Variants in CRYL1 observed in about 807,000 individuals in gnomAD.
CRYL1 encodes lambda-crystallin homolog.
In CRYL1, 29 loss-of-function variants were observed where a neutral mutation model predicts 36.6. The ratio of observed to expected loss-of-function variants is 0.79; its 90% CI spans 0.59 to 1.08. CRYL1 has a LOEUF of 1.08. Among genes scored for constraint, CRYL1 ranks in the 50% least tolerant of loss-of-function variants. CRYL1 has a pLI of 0.00. For synonymous variants in CRYL1, 152 were observed against 151.5 expected, an observed-to-expected ratio of 1.00 and a Z score of -0.02; for missense variants, 411 against 407.9, an observed-to-expected ratio of 1.01 and a Z score of -0.06.
intron 2 of CRYL1, among the ~76,000 whole-genome samples, chr13:20,509,195 CAA>C (rs1221695401): frequency 1.3e-4 from 13 of 103,250 alleles, no homozygotes; most frequent in Middle Eastern, 5.2e-3. Context: ...ACTCAATCCC[CAA>C]AAAAAAAAAA....
chr13:20,469,054 C>A lies in CRYL1; in HGVS notation c.276+20316G>T, dbSNP rs150426506. 5.2e-3 allele frequency among the ~76,000 whole-genome samples: 788 copies of A among 152,302 alleles called. 11 individuals carry two copies. Among genetic ancestry groups the A allele is most frequent in the African/African-American group, 0.018 (741 of 41,552 alleles). ...GACGGCATCCCTGTTACAACTCCAT[C>A]CACCGTCAGCAGTTTCTCAGGAAGT... On this transcript the variant is annotated intron_variant, in intron 3 of 7. Coordinates refer to ENST00000298248, the MANE Select transcript of CRYL1 (RefSeq NM_015974.3).
Position 20,460,680 on chromosome 13 carries a change from TA to T in CRYL1, c.277-20927del, listed in dbSNP as rs2032796441. Among the ~76,000 whole-genome samples, 23 of 151,680 alleles carry T rather than the reference TA, an allele frequency of 1.5e-4. No homozygotes were observed. The South Asian group carries it at 4.8e-3, about 32-fold the overall frequency. Reference sequence around the variant, plus strand: ...AGCCGGGACTACAGGCGCCCGCCACTACGCCCGGCTAATTTTTTGTATTTTT... The same window carrying T: ...AGCCGGGACTACAGGCGCCCGCCACTCGCCCGGCTAATTTTTTGTATTTTT... On this transcript the variant is annotated intron_variant, in intron 3 of 7. Transcript: ENST00000298248.
chr13:20,508,866 A>AAAAC (rs1565988283), intron 2 of CRYL1, among the ~76,000 whole-genome samples: 1 of 32,268 alleles, frequency 3.1e-5, no homozygotes, highest in African/African-American at 1.0e-4. Context: ...AAAAAAAAAA[A>AAAAC]AAAAAAAAAC....
At chr13:20,523,972 A>C (rs2034141402) in intron 1 of CRYL1, among the ~76,000 whole-genome samples, 1 of 152,222 alleles carries the variant, frequency 6.6e-6, no homozygotes, top group Non-Finnish European at 1.5e-5. Context: ...TGATGGACCT[A>C]TACAAGGCCA....
chr13:20,512,673 C>T, intron 1 of CRYL1, 123 bp from the exon 2 acceptor site: 2 of 638,102 alleles, frequency 3.1e-6, no homozygotes, highest in South Asian at 4.2e-5. Flanking sequence ...CAATACATAT[C>T]TTAAAAGTAC....
At chr13:20,510,953 T>G (rs1286757379) in intron 2 of CRYL1, among the ~76,000 whole-genome samples, 1 of 152,188 alleles carries the variant, frequency 6.6e-6, no homozygotes, top group African/African-American at 2.4e-5. Flanking sequence ...GTATCCCTAG[T>G]GAACAGAACA....
At chr13:20,428,294 T>A (rs1021827487) in intron 5 of CRYL1, among the ~76,000 whole-genome samples, 1 of 152,178 alleles carries the variant, frequency 6.6e-6, no homozygotes, top group African/African-American at 2.4e-5. Context: ...AGATCTCAGA[T>A]TTTCGGATTA....
chr13:20,464,670 C>T (rs1238997796), intron 3 of CRYL1, among the ~76,000 whole-genome samples: 1 of 152,164 alleles, frequency 6.6e-6, no homozygotes, highest in Non-Finnish European at 1.5e-5. Context: ...TATCCTTCTT[C>T]ATTTGTAGCA....
chr13:20,487,631 C>T (rs17052338), intron 3 of CRYL1, among the ~76,000 whole-genome samples: 4,158 of 152,100 alleles, frequency 0.027, 181 homozygotes, highest in Admixed American at 0.12. Context: ...ACTAAACTCA[C>T]GGCTGGGAAC....
At chr13:20,428,803 C>G (rs114808975) in intron 5 of CRYL1, among the ~76,000 whole-genome samples, 1,590 of 152,294 alleles carry the variant, frequency 0.01, 26 homozygotes, top group African/African-American at 0.035. Context: ...CCTCCCTGAC[C>G]TGCTGACCCA....
chr13:20,488,492 G>A (rs2033444092), intron 3 of CRYL1, among the ~76,000 whole-genome samples: 1 of 152,146 alleles, frequency 6.6e-6, no homozygotes, highest in Non-Finnish European at 1.5e-5. Flanking sequence ...GAGTCATAGA[G>A]ACCTAAAATC....
intron 3 of CRYL1, among the ~76,000 whole-genome samples, chr13:20,454,408 C>T (rs1436138526): frequency 1.4e-5 from 2 of 141,982 alleles, no homozygotes; most frequent in Non-Finnish European, 3.0e-5. Flanking sequence ...ATTCAACCCC[C>T]ATTCGTGTTT....
Position 20,490,990 on chromosome 13 carries a change from C to T in CRYL1, c.150-1494G>A, listed in dbSNP as rs530311579. On this transcript the variant is annotated intron_variant, in intron 2 of 7. Transcript: ENST00000298248. Reference sequence around the variant, plus strand: ...GCACAATCATGACTCGCCATAGCCTCGACCTCCCAGGATCAAGTGATCTCC... The same window carrying T: ...GCACAATCATGACTCGCCATAGCCTTGACCTCCCAGGATCAAGTGATCTCC... Among the ~76,000 whole-genome samples the T allele has an allele frequency of 3.0e-4, 45 of 152,300 alleles. 1 individual carries two copies. The highest frequency in any genetic ancestry group is 2.7e-3 in the South Asian group (13 of 4,828).
chr13:20,495,475 C>G (rs2033588929), intron 2 of CRYL1, among the ~76,000 whole-genome samples: 1 of 151,938 alleles, frequency 6.6e-6, no homozygotes, highest in Non-Finnish European at 1.5e-5. Context: ...GAAATGTACT[C>G]AAAAGGAGCA....
In CRYL1 at chr13:20,430,368, C is replaced by T. The variant is rs534909454; in HGVS notation, c.633+1734G>A. The T allele has an allele frequency of 8.1e-6, 8 of 985,400 alleles. No individual in the cohort carries two copies. In the African/African-American group the frequency reaches 1.0e-4, roughly 13 times the overall value. 61.0% of individuals were successfully genotyped at this position (985,400 alleles called of 1,614,324 possible). A position where few individuals can be genotyped will look rare whatever the true frequency, so the allele number is the denominator to read the frequency against. On this transcript the variant is annotated intron_variant, in intron 5 of 7. Coordinates refer to ENST00000298248, the MANE Select transcript of CRYL1 (RefSeq NM_015974.3). ...CATCTGAGTCCCACAGCAGCCAACA[C>T]AGAGACATATGCAGGCTTCACTTTC...
At chr13:20,477,741 T>A (rs1384765654) in intron 3 of CRYL1, among the ~76,000 whole-genome samples, 1 of 146,404 alleles carries the variant, frequency 6.8e-6, no homozygotes, top group Admixed American at 6.9e-5. Context: ...TTATATTATA[T>A]ATTATTTTGT....
At chr13:20,512,590 A>C (rs1565990022) in intron 1 of CRYL1, 40 bp from the exon 2 acceptor site, 1 of 1,460,524 alleles carries the variant, frequency 6.8e-7, no homozygotes, top group Admixed American at 1.8e-5. Flanking sequence ...TTAATTTAAT[A>C]ATCGAATGGC....
At chr13:20,471,488 C>T (rs549942282) in intron 3 of CRYL1, among the ~76,000 whole-genome samples, 2 of 151,910 alleles carry the variant, frequency 1.3e-5, no homozygotes, top group Admixed American at 6.6e-5. Context: ...GCCTGTAGTC[C>T]CAGCTACTCG....
chr13:20,506,817 C>A (rs1205755140), intron 2 of CRYL1, among the ~76,000 whole-genome samples: 3 of 152,196 alleles, frequency 2.0e-5, no homozygotes, highest in Admixed American at 2.0e-4. Context: ...AAATCTGGCC[C>A]ATCTCCTATT....
Sources: gnomAD v4.1 joint callset for allele counts (sites outside exome capture counted in the v4.1 genomes callset) on GRCh38, gnomAD v4.1.1 for gene constraint, MANE v1.5 for transcripts, NCBI Gene and HGNC (gene_info 2026-07-23, HGNC 2026-07-21) for gene names.